The following NRG3 variants were observed in gnomAD, a reference collection of about 807,000 sequenced individuals.
The protein encoded by NRG3 is pro-neuregulin-3, membrane-bound isoform.
Under a neutral mutation model 66.9 loss-of-function variants are expected in NRG3, and 31 were observed. The observed-to-expected ratio is 0.46, with a 90% CI of 0.35 to 0.63. NRG3 has a LOEUF of 0.63. NRG3 is among the 20% of genes least tolerant of loss of function. The pLI, the probability that NRG3 is intolerant of heterozygous loss-of-function variation, is 0.00. For missense variants in NRG3, 910 were observed against 878.9 expected (o/e 1.04, Z -0.45); for synonymous variants, 393 against 359.4 (o/e 1.09, Z -1.06).
At chr10:82,140,016 A>C (rs1480081250) in intron 1 of NRG3, among the ~76,000 whole-genome samples, 1 of 152,152 alleles carries the variant, frequency 6.6e-6, no homozygotes, top group African/African-American at 2.4e-5. Context: ...CAGTACCTGA[A>C]TCAAAACAGC....
chr10:82,255,019 T>C (rs1442187401), intron 1 of NRG3, among the ~76,000 whole-genome samples: 1 of 152,192 alleles, frequency 6.6e-6, no homozygotes, highest in African/African-American at 2.4e-5. Flanking sequence ...AATAACTAAA[T>C]GGTAGGAAAA....
chr10:82,922,250 T>C (rs543643910), intron 4 of NRG3, among the ~76,000 whole-genome samples: 1 of 152,268 alleles, frequency 6.6e-6, no homozygotes, highest in East Asian at 1.9e-4. Flanking sequence ...CTTTCTGAAC[T>C]ATTTTACTCC....
chr10:82,028,657 T>G (rs2062426111), intron 1 of NRG3, among the ~76,000 whole-genome samples: 1 of 152,100 alleles, frequency 6.6e-6, no homozygotes, highest in Admixed American at 6.6e-5. Flanking sequence ...AGCACACATC[T>G]TTACTTATAC....
intron 1 of NRG3, among the ~76,000 whole-genome samples, chr10:82,350,342 T>C (rs2083351399): frequency 6.6e-6 from 1 of 152,216 alleles, no homozygotes; most frequent in African/African-American, 2.4e-5. Flanking sequence ...ATTAAGCACT[T>C]ATTGTGTGTC....
At chr10:81,985,563 C>A (rs2064620) in intron 1 of NRG3, among the ~76,000 whole-genome samples, 2 of 152,112 alleles carry the variant, frequency 1.3e-5, no homozygotes, top group African/African-American at 4.8e-5. Context: ...CCTAATTCCA[C>A]GAGTGATTAT....
intron 1 of NRG3, among the ~76,000 whole-genome samples, chr10:82,077,794 C>T (rs568274322): frequency 1.3e-5 from 2 of 152,234 alleles, no homozygotes; most frequent in South Asian, 4.1e-4. Flanking sequence ...TTTATTGAGA[C>T]TATGTATTTA....
chr10:82,860,270 A>T (rs572030796), intron 3 of NRG3, among the ~76,000 whole-genome samples: 1 of 152,294 alleles, frequency 6.6e-6, no homozygotes, highest in South Asian at 2.1e-4. Context: ...TCATCAATAA[A>T]CTAGGGGTGA....
chr10:81,988,446 T>C (rs2060609054), intron 1 of NRG3, among the ~76,000 whole-genome samples: 1 of 152,238 alleles, frequency 6.6e-6, no homozygotes, highest in African/African-American at 2.4e-5. Context: ...TTTGTTGTTT[T>C]CATGGTTATT....
intron 1 of NRG3, among the ~76,000 whole-genome samples, chr10:82,104,371 A>G (rs570713193): frequency 7.9e-4 from 120 of 152,148 alleles, no homozygotes; most frequent in South Asian, 4.6e-3. Context: ...TTGTTCTTAA[A>G]AAGGAGAAAA....
chr10:82,385,703 G>A (rs1315141251), intron 2 of NRG3, among the ~76,000 whole-genome samples: 1 of 152,120 alleles, frequency 6.6e-6, no homozygotes, highest in East Asian at 1.9e-4. Flanking sequence ...GCTATAGACA[G>A]TAAATTGATA....
chr10:82,077,489 C>T (rs1017878743), intron 1 of NRG3, among the ~76,000 whole-genome samples: 3 of 152,132 alleles, frequency 2.0e-5, no homozygotes, highest in South Asian at 2.1e-4. Context: ...ATTTCATATC[C>T]CTTGGGGTAA....
At chr10:82,364,073 T>C (rs2084365013) in intron 2 of NRG3, among the ~76,000 whole-genome samples, 1 of 152,180 alleles carries the variant, frequency 6.6e-6, no homozygotes, top group South Asian at 2.1e-4. Context: ...CATCTCTATA[T>C]TACACATATA....
intron 1 of NRG3, among the ~76,000 whole-genome samples, chr10:82,024,491 AG>A (rs1292514404): frequency 1.3e-5 from 2 of 152,000 alleles, no homozygotes; most frequent in Non-Finnish European, 2.9e-5. Flanking sequence ...AAAATTTAAA[AG>A]TTTACATGTG....
chr10:82,640,055 G>T (rs188223522), intron 2 of NRG3, among the ~76,000 whole-genome samples: 1 of 152,120 alleles, frequency 6.6e-6, no homozygotes, highest in Non-Finnish European at 1.5e-5. Flanking sequence ...GTTTGCTAGG[G>T]ATAATGGCCT....
At chr10:82,422,134 C>T (rs890557764) in intron 2 of NRG3, among the ~76,000 whole-genome samples, 1 of 152,042 alleles carries the variant, frequency 6.6e-6, no homozygotes, top group Non-Finnish European at 1.5e-5. Flanking sequence ...CTTGTTTAAG[C>T]TTTGTGGATG....
intron 2 of NRG3, among the ~76,000 whole-genome samples, chr10:82,430,228 C>G (rs2089708523): frequency 6.6e-6 from 1 of 151,962 alleles, no homozygotes; most frequent in African/African-American, 2.4e-5. Flanking sequence ...TTAGGCCATA[C>G]TTTCTTGTCT....
At chr10:82,734,508 T>C (rs1449621278) in intron 2 of NRG3, among the ~76,000 whole-genome samples, 1 of 152,124 alleles carries the variant, frequency 6.6e-6, no homozygotes, top group East Asian at 1.9e-4. Context: ...CTTATCAACC[T>C]GATACTTCAG....
At chr10:82,975,762 C>T (rs992213011) in intron 7 of NRG3, among the ~76,000 whole-genome samples, 1 of 152,152 alleles carries the variant, frequency 6.6e-6, no homozygotes, top group African/African-American at 2.4e-5. Flanking sequence ...AGTTAGAAGG[C>T]CTGAATAGCT....
chr10:82,165,951 C>A (rs1266482377), intron 1 of NRG3, among the ~76,000 whole-genome samples: 1 of 151,454 alleles, frequency 6.6e-6, no homozygotes, highest in Non-Finnish European at 1.5e-5. Context: ...TTTGTCCCAT[C>A]TGTTCTTTGT....
Sources: allele counts gnomAD v4.1 joint callset (sites outside exome capture counted in the v4.1 genomes callset), GRCh38; gene constraint gnomAD v4.1.1; transcripts MANE v1.5; gene names NCBI Gene and HGNC (gene_info 2026-07-23, HGNC 2026-07-21).